Variants in NCK2 observed in about 807,000 individuals in gnomAD.
The protein encoded by NCK2 is NCK adaptor protein 2.
Under a neutral mutation model 33.9 loss-of-function variants are expected in NCK2, and 16 were observed. The observed-to-expected ratio is 0.47, with a 90% confidence interval of 0.32 to 0.72. NCK2 has a LOEUF of 0.72. NCK2 is among the 30% of genes least tolerant of loss of function. NCK2 has a pLI of 0.03. For synonymous variants in NCK2, 273 were observed against 239.9 expected (o/e 1.14, Z -1.27); for missense variants, 418 against 537.3 (o/e 0.78, Z 2.19).
intron 1 of NCK2, among the ~76,000 whole-genome samples, chr2:105,764,033 C>A (rs923691372): frequency 6.6e-6 from 1 of 152,258 alleles, no homozygotes; most frequent in African/African-American, 2.4e-5. Flanking sequence ...TCTCTACAAC[C>A]CCACGAGGCT....
intron 2 of NCK2, among the ~76,000 whole-genome samples, chr2:105,849,815 C>T (rs1676992580): frequency 6.6e-6 from 1 of 152,156 alleles, no homozygotes; most frequent in Admixed American, 6.5e-5. Context: ...ATGGGTAGAA[C>T]ATGGCCCCTC....
chr2:105,827,488 C>T (rs1040014941), intron 2 of NCK2, among the ~76,000 whole-genome samples: 1 of 152,194 alleles, frequency 6.6e-6, no homozygotes, highest in African/African-American at 2.4e-5. Context: ...TAGGAACACT[C>T]ACCACCATCA....
At chr2:105,808,914 C>T (rs563852156) in intron 1 of NCK2, among the ~76,000 whole-genome samples, 1 of 152,224 alleles carries the variant, frequency 6.6e-6, no homozygotes, top group African/African-American at 2.4e-5. Flanking sequence ...TTGTGATTTG[C>T]TTTAGCCATC....
intron 1 of NCK2, among the ~76,000 whole-genome samples, chr2:105,762,075 T>G (rs1214354778): frequency 6.6e-6 from 1 of 152,234 alleles, no homozygotes; most frequent in Admixed American, 6.5e-5. Context: ...GATGAATCAC[T>G]TGACCTGAAA....
intron 1 of NCK2, among the ~76,000 whole-genome samples, chr2:105,763,264 G>T (rs565229688): frequency 2.6e-5 from 4 of 152,308 alleles, no homozygotes; most frequent in Admixed American, 2.6e-4. Context: ...GCCAAGGGGA[G>T]AGCGGGACCT....
intron 2 of NCK2, among the ~76,000 whole-genome samples, chr2:105,840,044 C>T (rs1004213652): frequency 6.6e-6 from 1 of 152,118 alleles, no homozygotes; most frequent in African/African-American, 2.4e-5. Flanking sequence ...TTAGTGGAGG[C>T]TCAAAGATCA....
At chr2:105,872,368 C>G (rs1195432957) in intron 3 of NCK2, among the ~76,000 whole-genome samples, 1 of 152,222 alleles carries the variant, frequency 6.6e-6, no homozygotes, top group Admixed American at 6.5e-5. Context: ...CTGAGTCCTT[C>G]TGCTCACAGC....
intron 2 of NCK2, among the ~76,000 whole-genome samples, chr2:105,825,723 C>G (rs1675911799): frequency 6.6e-6 from 1 of 152,208 alleles, no homozygotes; most frequent in African/African-American, 2.4e-5. Flanking sequence ...TCTGGGTCAC[C>G]AGCAAGGCAC....
chr2:105,791,705 G>T (rs1199497476), intron 1 of NCK2, among the ~76,000 whole-genome samples: 2 of 152,118 alleles, frequency 1.3e-5, no homozygotes, highest in Non-Finnish European at 2.9e-5. Context: ...TGACAATTCA[G>T]GCAAATCAGT....
intron 1 of NCK2, among the ~76,000 whole-genome samples, chr2:105,765,895 A>C (rs550551342): frequency 6.6e-6 from 1 of 151,724 alleles, no homozygotes; most frequent in East Asian, 1.9e-4. Context: ...AGTCTAGGTA[A>C]GCCACACCCA....
chr2:105,765,415 G>T (rs1234022113), intron 1 of NCK2, among the ~76,000 whole-genome samples: 1 of 152,230 alleles, frequency 6.6e-6, no homozygotes. Flanking sequence ...TTCCATCATG[G>T]TCATCCTGAG....
At chr2:105,806,459 G>C (rs536378812) in intron 1 of NCK2, among the ~76,000 whole-genome samples, 4 of 152,048 alleles carry the variant, frequency 2.6e-5, no homozygotes, top group Non-Finnish European at 4.4e-5. Flanking sequence ...GGATGGTCTC[G>C]ATCTCTTGAC....
intron 3 of NCK2, among the ~76,000 whole-genome samples, chr2:105,877,281 G>GAGGGC (rs1436296911): frequency 6.6e-6 from 1 of 152,074 alleles, no homozygotes; most frequent in African/African-American, 2.4e-5. Context: ...TAGCAGTCAG[G>GAGGGC]AGGGCGGCAC....
intron 3 of NCK2, among the ~76,000 whole-genome samples, chr2:105,873,184 C>A (rs982709265): frequency 2.0e-5 from 3 of 152,254 alleles, no homozygotes; most frequent in African/African-American, 7.2e-5. Flanking sequence ...TCTCTTCCAA[C>A]TTAAATTTGA....
chr2:105,765,786 G>GGTGT (rs56917992), intron 1 of NCK2, among the ~76,000 whole-genome samples: 1,550 of 147,318 alleles, frequency 0.011, 18 homozygotes, highest in African/African-American at 0.032. Flanking sequence ...TAGAATAGGG[G>GGTGT]GTGTGTGTGT....
At chr2:105,755,107 GTCT>G (rs1689563821) in intron 1 of NCK2, among the ~76,000 whole-genome samples, 1 of 151,978 alleles carries the variant, frequency 6.6e-6, no homozygotes, top group Admixed American at 6.6e-5. Context: ...TTCTGTTATT[GTCT>G]TCTTAGGAGC....
intron 1 of NCK2, among the ~76,000 whole-genome samples, chr2:105,813,806 A>C (rs1675379111): frequency 6.6e-6 from 1 of 152,262 alleles, no homozygotes; most frequent in African/African-American, 2.4e-5. Flanking sequence ...TGGATTTTGC[A>C]GTGGTAAAAT....
intron 3 of NCK2, among the ~76,000 whole-genome samples, chr2:105,870,857 G>A (rs1454663552): frequency 6.6e-6 from 1 of 152,144 alleles, no homozygotes; most frequent in Admixed American, 6.5e-5. Context: ...ACCAGACACA[G>A]CCAGTAACAG....
At chr2:105,874,472 G>A (rs979787539) in intron 3 of NCK2, among the ~76,000 whole-genome samples, 1 of 152,146 alleles carries the variant, frequency 6.6e-6, no homozygotes, top group Admixed American at 6.5e-5. Context: ...CAATAATCTC[G>A]ATTCTTAGCA....
Sources: allele counts gnomAD v4.1 joint callset (sites outside exome capture counted in the v4.1 genomes callset), GRCh38; gene constraint gnomAD v4.1.1; transcripts MANE v1.5; gene names NCBI Gene and HGNC (gene_info 2026-07-23, HGNC 2026-07-21).